FRAS1: variants seen among roughly 807,000 people sequenced by gnomAD.
FRAS1 encodes extracellular matrix organizing protein FRAS1.
In FRAS1, 290 loss-of-function variants were observed where a neutral mutation model predicts 435.2. That is an observed-to-expected ratio of 0.67 (90% CI 0.61 to 0.73). FRAS1 has a LOEUF of 0.73. Among genes scored for constraint, FRAS1 ranks in the 30% least tolerant of loss-of-function variants. The pLI is 0.00. For missense variants in FRAS1, 4,860 were observed against 5,001.5 expected, an observed-to-expected ratio of 0.97 and a Z score of 0.85; for synonymous variants, 1,800 against 1,851.0, an observed-to-expected ratio of 0.97 and a Z score of 0.71.
In FRAS1 at chr4:78,342,380, T is replaced by A. The variant is rs144451780; in HGVS notation, c.2422+4563T>A. Among the ~76,000 whole-genome samples, 5 of 152,320 alleles carry A rather than the reference T, an allele frequency of 3.3e-5. No homozygotes were observed. The East Asian group carries it at 9.6e-4, about 29-fold the overall frequency. On this transcript the variant is annotated intron_variant, in intron 20 of 73. Coordinates refer to ENST00000512123, the MANE Select transcript of FRAS1 (RefSeq NM_025074.7). ...ATGGAGATGTCATATGTGTGGGGTTTCTTCCTCCAAGTCTATCAAAGCAAA... is the reference window on the plus strand; with the variant it reads ...ATGGAGATGTCATATGTGTGGGGTTACTTCCTCCAAGTCTATCAAAGCAAA...
chr4:78,512,740 C>G (rs1485576359), intron 64 of FRAS1, among the ~76,000 whole-genome samples: 2 of 152,104 alleles, frequency 1.3e-5, no homozygotes, highest in Non-Finnish European at 2.9e-5. Context: ...CCAAAGGCTG[C>G]CTAAGAGCTG....
At position 78,473,416 on chromosome 4, in the gene FRAS1, CAGTG is replaced by C. The variant is rs750336084; in HGVS notation, c.7523-18_7523-15del. The C allele has an allele frequency of 2.5e-6, 4 of 1,604,258 alleles. No homozygotes were observed. In the Admixed American group the frequency reaches 6.7e-5, roughly 27 times the overall value. ...GTCGTTACATCCCTGGGTTAATTCA[CAGTG>C]AGTCTTTTTTCTCACAGAGGATGTG... On this transcript the variant is annotated intron_variant, in intron 52 of 73. Coordinates refer to ENST00000512123, the MANE Select transcript of FRAS1 (RefSeq NM_025074.7).
chr4:78,237,715 A>G, intron 3 of FRAS1, 98 bp downstream of exon 3: 2 of 533,966 alleles, frequency 3.7e-6, no homozygotes, highest in African/African-American at 1.9e-5. Flanking sequence ...ATTTATTCTA[A>G]TCTCTACCTG....
At chr4:78,164,845 C>A (rs1402035199) in intron 2 of FRAS1, among the ~76,000 whole-genome samples, 2 of 152,166 alleles carry the variant, frequency 1.3e-5, no homozygotes, top group African/African-American at 4.8e-5. Context: ...TTTCTCAAAA[C>A]TTCCATCTTC....
chr4:78,274,041 G>T (rs1052287345), intron 9 of FRAS1, among the ~76,000 whole-genome samples: 3 of 152,108 alleles, frequency 2.0e-5, no homozygotes, highest in African/African-American at 4.8e-5. Context: ...GTTTAGTCTT[G>T]GGAGGGTGTA....
intron 47 of FRAS1, among the ~76,000 whole-genome samples, chr4:78,458,557 G>A (rs576743135): frequency 3.9e-5 from 6 of 152,288 alleles, no homozygotes; most frequent in African/African-American, 1.4e-4. Context: ...TGGGGAGGGA[G>A]GGAGTGGGGA....
At chr4:78,441,431 T>C in intron 41 of FRAS1, 134 bp downstream of exon 41, 1 of 867,836 alleles carries the variant, frequency 1.2e-6, no homozygotes, top group Non-Finnish European at 1.8e-6. Context: ...GGAAGGAAGG[T>C]AGGAAGGTTT....
chr4:78,522,729 T>C lies in FRAS1; in HGVS notation c.10729T>C (p.Phe3577Leu), dbSNP rs1447548166. The C allele has an allele frequency of 6.2e-7, 1 of 1,612,376 alleles. No individual in the cohort carries two copies. Among genetic ancestry groups the C allele is most frequent in the East Asian group, 2.2e-5 (1 of 44,836 alleles). Reference protein sequence around the residue: ...LTPDHLGGIEFDLQLLWSAQT... With the variant: ...LTPDHLGGIELDLQLLWSAQT... Reference sequence around the variant, plus strand: ...TCCAGACCACCTAGGAGGAATTGAATTTGACTTGCAGCTATTATGGAGCGC... The same window carrying C: ...TCCAGACCACCTAGGAGGAATTGAACTTGACTTGCAGCTATTATGGAGCGC... The change falls in exon 69 of 74, where the codon TTT becomes CTT. Residue 3577 changes from phenylalanine (F) to leucine (L), a missense_variant. By Grantham distance (22) the Phe-to-Leu change is conservative (BLOSUM62 0). Transcript: ENST00000512123.
At position 78,067,695 on chromosome 4, in the gene FRAS1, T is replaced by C. The variant is rs923908072; in HGVS notation, c.108+1679T>C. Among the ~76,000 whole-genome samples, 209 of 136,388 alleles carry C rather than the reference T, an allele frequency of 1.5e-3. 3 individuals carry two copies. Among genetic ancestry groups the C allele is most frequent in the African/African-American group, 5.6e-3 (200 of 35,908 alleles). The allele number at this position is 136,388 out of a possible 152,430, so 89.5% of individuals were successfully genotyped here. ...CTTTTATTATTATTATTATTATTAT[T>C]ATTATTATTATTATTATTTGTAAGA... On this transcript the variant is annotated intron_variant, in intron 2 of 73. Transcript: ENST00000512123.
intron 2 of FRAS1, among the ~76,000 whole-genome samples, chr4:78,200,137 G>GAGTC (rs1377532974): frequency 6.6e-6 from 1 of 152,172 alleles, no homozygotes; most frequent in Admixed American, 6.5e-5. Flanking sequence ...CTAATGGCTG[G>GAGTC]AGTCATGTGG....
chr4:78,278,041 C>T (rs1247626866), intron 9 of FRAS1, among the ~76,000 whole-genome samples: 3 of 152,094 alleles, frequency 2.0e-5, no homozygotes, highest in East Asian at 1.9e-4. Context: ...CCTCGTGATC[C>T]GCCCGCCTCG....
At chr4:78,289,827 C>CCCCACCTT (rs1293595331) in intron 14 of FRAS1, among the ~76,000 whole-genome samples, 1 of 152,134 alleles carries the variant, frequency 6.6e-6, no homozygotes, top group Non-Finnish European at 1.5e-5. Context: ...TGCTCCCCCT[C>CCCCACCTT]CCCACCTTCC....
chr4:78,313,609 A>G (rs1312770447), intron 15 of FRAS1, among the ~76,000 whole-genome samples: 1 of 152,196 alleles, frequency 6.6e-6, no homozygotes, highest in East Asian at 1.9e-4. Context: ...TCCACCCTTC[A>G]TAAGGAGGCC....
rs1180377796 is a variant in FRAS1, at chr4:78,282,925, G to T, written c.1213G>T (p.Ala405Ser). ...SCPPCPVGTL[A>S]LEVKGQCCPD... ...CCCACCATGTCCAGTGGGCACACTG[G>T]CCTTAGAGGTGAAGGGACAGTGCTG... The change falls in exon 12 of 74, where the codon GCC (alanine) becomes TCC (serine). Residue 405 changes from alanine (A) to serine (S), a missense_variant. Transcript: ENST00000512123. The T allele has an allele frequency of 6.2e-7, 1 of 1,609,076 alleles. No homozygotes were observed. Among genetic ancestry groups the T allele is most frequent in the East Asian group, 2.2e-5 (1 of 44,676 alleles).
At chr4:78,500,780 G>A (rs1418433919) in intron 61 of FRAS1, among the ~76,000 whole-genome samples, 2 of 152,166 alleles carry the variant, frequency 1.3e-5, no homozygotes, top group African/African-American at 4.8e-5. Flanking sequence ...TTGCTGGAAA[G>A]CTAGATGCCC....
At chr4:78,080,326 G>A (rs1029606221) in intron 2 of FRAS1, among the ~76,000 whole-genome samples, 1 of 152,148 alleles carries the variant, frequency 6.6e-6, no homozygotes, top group African/African-American at 2.4e-5. Flanking sequence ...GTATTCAGAA[G>A]TGTCCATTAG....
chr4:78,281,315 G>T, intron 10 of FRAS1, 83 bp from the exon 11 acceptor site: 1 of 884,748 alleles, frequency 1.1e-6, no homozygotes, highest in Non-Finnish European at 1.7e-6. Flanking sequence ...TGGGAAAAAT[G>T]GATAACTCCT....
At chr4:78,365,722 G>A (rs1731237405) in intron 22 of FRAS1, among the ~76,000 whole-genome samples, 1 of 140,386 alleles carries the variant, frequency 7.1e-6, no homozygotes, top group Admixed American at 7.1e-5. Flanking sequence ...TGGGATATTT[G>A]AGTTTCTAGT....
chr4:78,437,782 G>T (rs1024094598), intron 38 of FRAS1, among the ~76,000 whole-genome samples: 16 of 152,184 alleles, frequency 1.1e-4, no homozygotes, highest in African/African-American at 3.9e-4. Flanking sequence ...CCTAAAAAAT[G>T]AATGACTCAG....
Sources: gnomAD v4.1 joint callset for allele counts (sites outside exome capture counted in the v4.1 genomes callset) on GRCh38, gnomAD v4.1.1 for gene constraint, MANE v1.5 for transcripts, NCBI Gene and HGNC (gene_info 2026-07-23, HGNC 2026-07-21) for gene names.